RPS6KC1: variants seen among roughly 807,000 people sequenced by gnomAD.
The protein encoded by RPS6KC1 is inactive ribosomal protein S6 kinase delta-1.
Under a neutral mutation model 103.8 loss-of-function variants are expected in RPS6KC1, and 54 were observed. That is an observed-to-expected ratio of 0.52 (90% CI 0.42 to 0.65). RPS6KC1 has a LOEUF of 0.65. Ranked by LOEUF, RPS6KC1 falls within the 30% of genes least tolerant of loss-of-function variation. The pLI is 0.00. For missense variants in RPS6KC1, 1,151 were observed against 1,253.8 expected (o/e 0.92, Z 1.24); for synonymous variants, 439 against 438.7 (o/e 1.00, Z -0.01).
At chr1:213,820,574 C>T in the RPS6KC1 span, 1 of 152,198 alleles carries the variant, frequency 6.6e-6, no homozygotes, top group African/African-American at 2.4e-5. Flanking sequence ...TGCATTTCAC[C>T]CAGGCCACCT....
At chr1:213,357,107 C>G in the RPS6KC1 span, among the ~76,000 whole-genome samples, 3 of 151,612 alleles carry the variant, frequency 2.0e-5, no homozygotes, top group Non-Finnish European at 4.4e-5. Flanking sequence ...GCAGCACCTA[C>G]ATCGGGATCA....
the RPS6KC1 span, among the ~76,000 whole-genome samples, chr1:213,563,234 T>A: frequency 6.6e-6 from 1 of 152,178 alleles, no homozygotes; most frequent in Non-Finnish European, 1.5e-5. Flanking sequence ...TCTTTAATAA[T>A]TCTTAAAATC....
chr1:213,222,053 A>G (rs1021983650), intron 8 of RPS6KC1, among the ~76,000 whole-genome samples: 9 of 152,230 alleles, frequency 5.9e-5, no homozygotes. Flanking sequence ...GCCGTTCTTA[A>G]CTTTGTTAAC....
At chr1:213,710,461 CTT>C in the RPS6KC1 span, among the ~76,000 whole-genome samples, 3 of 152,136 alleles carry the variant, frequency 2.0e-5, no homozygotes, top group African/African-American at 7.2e-5. Context: ...GGTCTTGACT[CTT>C]TATCCAATTT....
intron 4 of RPS6KC1, among the ~76,000 whole-genome samples, chr1:213,107,531 C>T (rs1293228232): frequency 1.3e-5 from 2 of 152,156 alleles, no homozygotes; most frequent in African/African-American, 4.8e-5. Flanking sequence ...GATAATACCA[C>T]ATTTTCTTCA....
the RPS6KC1 span, among the ~76,000 whole-genome samples, chr1:213,744,351 A>G: frequency 6.6e-6 from 1 of 152,380 alleles, no homozygotes; most frequent in South Asian, 2.1e-4. Flanking sequence ...AAGACCTCCC[A>G]AATAAACATG....
chr1:213,480,755 C>T, the RPS6KC1 span, among the ~76,000 whole-genome samples: 7,649 of 152,108 alleles, frequency 0.05, 627 homozygotes, highest in African/African-American at 0.17. Context: ...CCATATTATA[C>T]AGTAAGTAGC....
chr1:213,224,977 A>G (rs1163136330), intron 8 of RPS6KC1, among the ~76,000 whole-genome samples: 1 of 152,216 alleles, frequency 6.6e-6, no homozygotes, highest in Non-Finnish European at 1.5e-5. Flanking sequence ...ATGGCTAATA[A>G]TTTCCAAGCA....
the RPS6KC1 span, among the ~76,000 whole-genome samples, chr1:213,325,147 A>T: frequency 6.6e-6 from 1 of 152,198 alleles, no homozygotes; most frequent in Non-Finnish European, 1.5e-5. Flanking sequence ...GCCCATTAGC[A>T]GGGAAGAGCG....
At chr1:213,653,793 T>A in the RPS6KC1 span, among the ~76,000 whole-genome samples, 1 of 152,336 alleles carries the variant, frequency 6.6e-6, no homozygotes, top group African/African-American at 2.4e-5. Flanking sequence ...TAATTTCTAG[T>A]TTCCTTAGGT....
chr1:213,662,401 A>G, the RPS6KC1 span, among the ~76,000 whole-genome samples: 2 of 150,996 alleles, frequency 1.3e-5, no homozygotes, highest in African/African-American at 4.9e-5. Flanking sequence ...AGCTAGGATT[A>G]CAGGCATGTG....
At chr1:213,429,946 G>A in the RPS6KC1 span, among the ~76,000 whole-genome samples, 1 of 152,136 alleles carries the variant, frequency 6.6e-6, no homozygotes, top group African/African-American at 2.4e-5. Context: ...TACTGAAATT[G>A]GAGTTCAACA....
the RPS6KC1 span, among the ~76,000 whole-genome samples, chr1:213,850,441 T>C: frequency 6.6e-6 from 1 of 152,196 alleles, no homozygotes; most frequent in Non-Finnish European, 1.5e-5. Context: ...AGGACTCAGC[T>C]GCTTCTCCGG....
chr1:213,589,228 C>G, the RPS6KC1 span, among the ~76,000 whole-genome samples: 2 of 152,192 alleles, frequency 1.3e-5, no homozygotes, highest in African/African-American at 4.8e-5. Flanking sequence ...ATGGCTGTGT[C>G]TCCTTCTATT....
At chr1:213,076,944 A>G (rs922566350) in intron 2 of RPS6KC1, among the ~76,000 whole-genome samples, 4 of 150,764 alleles carry the variant, frequency 2.7e-5, no homozygotes, top group Non-Finnish European at 4.4e-5. Context: ...GTGTCGGCTC[A>G]CTGCAACCTC....
At chr1:213,704,385 CAAA>C in the RPS6KC1 span, among the ~76,000 whole-genome samples, 58 of 27,652 alleles carry the variant, frequency 2.1e-3, no homozygotes, top group African/African-American at 4.8e-3. Flanking sequence ...GACTCCGTCT[CAAA>C]AAAAAAAAAA....
At chr1:213,798,091 A>G in the RPS6KC1 span, among the ~76,000 whole-genome samples, 1 of 152,196 alleles carries the variant, frequency 6.6e-6, no homozygotes, top group African/African-American at 2.4e-5. Context: ...TGCTGGACCC[A>G]TCATCGGGGA....
chr1:213,860,953 CG>C, the RPS6KC1 span, among the ~76,000 whole-genome samples: 1 of 152,054 alleles, frequency 6.6e-6, no homozygotes, highest in Non-Finnish European at 1.5e-5. Flanking sequence ...ATATTACAGG[CG>C]TGCACCAACA....
the RPS6KC1 span, among the ~76,000 whole-genome samples, chr1:213,584,972 T>C: frequency 6.6e-6 from 1 of 152,186 alleles, no homozygotes; most frequent in South Asian, 2.1e-4. Context: ...ATAGTTTTCT[T>C]AGTATTAGGG....
Sources: allele counts gnomAD v4.1 joint callset (sites outside exome capture counted in the v4.1 genomes callset), GRCh38; gene constraint gnomAD v4.1.1; transcripts MANE v1.5; gene names NCBI Gene and HGNC (gene_info 2026-07-23, HGNC 2026-07-21).